Variants in OTUD4 observed in about 807,000 individuals in gnomAD.
The protein encoded by OTUD4 is OTU deubiquitinase 4.
In OTUD4, 24 loss-of-function variants were observed where a neutral mutation model predicts 130.4. The ratio of observed to expected loss-of-function variants is 0.18; its 90% CI spans 0.13 to 0.26. OTUD4 has a LOEUF of 0.26. Among genes scored for constraint, OTUD4 ranks in the 10% least tolerant of loss-of-function variants. The pLI is 1.00. For missense variants in OTUD4, 1,031 were observed against 1,329.4 expected, an observed-to-expected ratio of 0.78 and a Z score of 3.49; for synonymous variants, 420 against 472.5, an observed-to-expected ratio of 0.89 and a Z score of 1.44.
intron 3 of OTUD4, among the ~76,000 whole-genome samples, chr4:145,168,139 T>C (rs1751970206): frequency 6.6e-6 from 1 of 152,136 alleles, no homozygotes; most frequent in South Asian, 2.1e-4. Context: ...TCCTTCAAAA[T>C]ATGTTTTAAC....
Position 145,138,228 on chromosome 4 carries a change from G to A in OTUD4, c.2547C>T (p.Gly849=), listed in dbSNP as rs781374340. ...AGAAAGGAGGTGCAATAGGAACTGG[G>A]CCTAAGAATGGATTGGGTCCAAAAG... ...QPSFGPNPFL[G]PVPIAPPFFP... Residue 849 remains glycine (G), a synonymous_variant, in exon 21 of 21, where the codon GGC becomes GGT. Coordinates refer to ENST00000447906, the MANE Select transcript of OTUD4 (RefSeq NM_001366057.1). 105 of 1,613,788 alleles carry A rather than the reference G, an allele frequency of 6.5e-5. No homozygotes were observed. Among genetic ancestry groups the A allele is most frequent in the Non-Finnish European group, 7.3e-5 (86 of 1,179,812 alleles).
At chr4:145,170,397 T>C (rs983526926) in intron 3 of OTUD4, among the ~76,000 whole-genome samples, 16 of 152,224 alleles carry the variant, frequency 1.1e-4, no homozygotes, top group African/African-American at 3.6e-4. Context: ...TCTGCTTTGC[T>C]CACAGTTTTC....
rs1254712706 is a variant in OTUD4 at position 145,135,951 on chromosome 4, G to T, written c.*1479C>A. The T allele has an allele frequency of 2.6e-5, 4 of 152,584 alleles. No homozygotes were observed. The highest frequency in any genetic ancestry group is 5.9e-5 in the Non-Finnish European group (4 of 68,016). The allele number at this position is 152,584 out of a possible 1,614,324, so 9.5% of individuals were successfully genotyped here. A position where few individuals can be genotyped will look rare whatever the true frequency, so the allele number is the denominator to read the frequency against. ...TCAGTTTGTCAAATTCAAGTGAATT[G>T]TATTTTCTTAAGTAATTTGCTTTAC... On this transcript the variant is annotated 3_prime_UTR_variant, in exon 21 of 21. Transcript: ENST00000447906.
Position 145,138,068 on chromosome 4 carries a change from A to C in OTUD4, c.2707T>G (p.Cys903Gly), listed in dbSNP as rs151290056. The C allele has an allele frequency of 1.9e-5, 30 of 1,614,042 alleles. 1 individual carries two copies. The highest frequency in any genetic ancestry group is 2.5e-5 in the Non-Finnish European group (30 of 1,180,034). The change falls in exon 21 of 21, where the codon TGT (cysteine) becomes GGT (glycine). Residue 903 changes from cysteine to glycine, a missense_variant. Transcript: ENST00000447906. ...SLENLDLSKD[C>G]GSVSTVDEFP... ...TCATCTACTGTTGAAACTGAACCAC[A>C]ATCTTTAGACAGATCCAGATTTTCC...
chr4:145,148,456 G>A (rs898491150), intron 13 of OTUD4, among the ~76,000 whole-genome samples: 3 of 150,558 alleles, frequency 2.0e-5, no homozygotes, highest in African/African-American at 7.3e-5. Flanking sequence ...CCAAGATCGC[G>A]CCACTGCACT....
At chr4:145,169,754 G>A (rs1228387422) in intron 3 of OTUD4, among the ~76,000 whole-genome samples, 1 of 152,140 alleles carries the variant, frequency 6.6e-6, no homozygotes, top group Non-Finnish European at 1.5e-5. Flanking sequence ...TTACAGGCAC[G>A]AGCCATTGTG....
intron 7 of OTUD4, among the ~76,000 whole-genome samples, chr4:145,158,398 C>T (rs1213389316): frequency 6.6e-6 from 1 of 151,782 alleles, no homozygotes; most frequent in African/African-American, 2.4e-5. Flanking sequence ...AGGAGAATGG[C>T]GTGAACCCAG....
At chr4:145,178,905 C>G (rs1415105913) in intron 1 of OTUD4, among the ~76,000 whole-genome samples, 1 of 151,966 alleles carries the variant, frequency 6.6e-6, no homozygotes, top group Non-Finnish European at 1.5e-5. Flanking sequence ...GTGTGGGGAG[C>G]AGGTCCTAGG....
At chr4:145,144,086 G>A (rs1048650777) in intron 15 of OTUD4, 85 bp from the exon 16 acceptor site, 41 of 1,192,370 alleles carry the variant, frequency 3.4e-5, no homozygotes, top group Non-Finnish European at 4.8e-5. Flanking sequence ...GATAGAAGAA[G>A]CCAAAAGTAT....
chr4:145,171,765 CA>C, intron 2 of OTUD4, 45 bp from the exon 3 acceptor site: 2 of 871,164 alleles, frequency 2.3e-6, no homozygotes, highest in South Asian at 2.7e-5. Flanking sequence ...ACATATATGC[CA>C]AAACAGTTAA....
At position 145,137,193 on chromosome 4, in the gene OTUD4, G is replaced by T; in HGVS notation, c.*237C>A. The T allele has an allele frequency of 2.5e-6, 1 of 404,148 alleles. No individual in the cohort carries two copies. Among genetic ancestry groups the T allele is most frequent in the Non-Finnish European group, 4.4e-6 (1 of 227,776 alleles). The allele number at this position is 404,148 out of a possible 1,614,324, so 25.0% of individuals were successfully genotyped here. On this transcript the variant is annotated 3_prime_UTR_variant, in exon 21 of 21. Transcript: ENST00000447906. ...CAAACTTATCTTCTACTTTTTACGG[G>T]GACAGTCACTTGATCAACAAACAGA...
chr4:145,159,604 T>A lies in OTUD4; in HGVS notation c.528A>T (p.Val176=), dbSNP rs140130129. 1.2e-5 allele frequency: 20 copies of A among 1,613,370 alleles called. No individual in the cohort carries two copies. Among genetic ancestry groups the A allele is most frequent in the Non-Finnish European group, 1.7e-5 (20 of 1,179,544 alleles). Reference sequence around the variant, plus strand: ...CAATTTTACTAACATCAGTTTTAAATACCTTCTCATACAGCAATTCATAAA... The same window carrying A: ...CAATTTTACTAACATCAGTTTTAAAAACCTTCTCATACAGCAATTCATAAA... ...SLLYELLYEK[V]FKTDVSKIVM... is the part of the protein sequence containing the mutation. Residue 176 remains valine, a synonymous_variant, in exon 7 of 21, where the codon GTA becomes GTT. Coordinates refer to ENST00000447906, the MANE Select transcript of OTUD4 (RefSeq NM_001366057.1).
At chr4:145,145,952 T>C (rs528521008) in intron 14 of OTUD4, 1 of 166,676 alleles carries the variant, frequency 6.0e-6, no homozygotes, top group Non-Finnish European at 1.3e-5. Flanking sequence ...AACTAAATCA[T>C]GAACCTCTAC....
intron 10 of OTUD4, among the ~76,000 whole-genome samples, chr4:145,154,855 G>A (rs1467288829): frequency 6.6e-6 from 1 of 151,894 alleles, no homozygotes; most frequent in East Asian, 1.9e-4. Context: ...GGGGGCGGGG[G>A]GCAGAGTGAG....
Position 145,146,320 on chromosome 4 carries a change from G to A in OTUD4, c.1369C>T (p.Arg457Cys), listed in dbSNP as rs1251800770. The change falls in exon 14 of 21, where the codon CGT becomes TGT. Residue 457 changes from arginine to cysteine, a missense_variant. By Grantham distance (180) the Arg-to-Cys change is radical. Around this residue, in one of 3 missense-constraint regions of OTUD4, gnomAD observed 900 missense variants for 1,095.9 expected, o/e 0.82. Transcript: ENST00000447906. The part of the protein sequence containing the change: ...RREKQAIEES[R>C]LLYEIQNRDE... The stretch of plus-strand genomic sequence containing the variant: ...CTGTTCTGAATCTCATAGAGTAAAC[G>A]GGATTCTTCTATAGCTTGCTTCTCT... 8 of 1,593,356 alleles carry A rather than the reference G, an allele frequency of 5.0e-6. No individual in the cohort carries two copies. The highest frequency in any genetic ancestry group is 2.3e-5 in the East Asian group (1 of 43,380).
chr4:145,171,991 C>G (rs1417610917), intron 2 of OTUD4, among the ~76,000 whole-genome samples: 3 of 152,196 alleles, frequency 2.0e-5, no homozygotes, highest in Non-Finnish European at 4.4e-5. Context: ...TGGACAGGAT[C>G]TGGATGGCAA....
intron 19 of OTUD4, 27 bp downstream of exon 19, chr4:145,141,352 C>CCA (rs780552151): frequency 6.5e-7 from 1 of 1,547,860 alleles, no homozygotes; most frequent in Admixed American, 2.0e-5. Context: ...TTGATAAAGT[C>CCA]GATTTGAACT....
rs1751256305 is a variant in OTUD4, at chr4:145,155,826, G to T, written c.690+110C>A. 7.0e-6 allele frequency: 7 copies of T among 1,001,074 alleles called. No individual in the cohort carries two copies. The South Asian group carries it at 8.2e-5, about 12-fold the overall frequency. 62.0% of individuals were successfully genotyped at this position (1,001,074 alleles called of 1,614,324 possible). A position where few individuals can be genotyped will look rare whatever the true frequency, so the allele number is the denominator to read the frequency against. On this transcript the variant is annotated intron_variant, in intron 8 of 20. Coordinates refer to ENST00000447906, the MANE Select transcript of OTUD4 (RefSeq NM_001366057.1). ...CCACCAAATCAATTTCTGAGTAGATGATCCTGACTTGACTGAAATGTACCA... is the reference window on the plus strand; with the variant it reads ...CCACCAAATCAATTTCTGAGTAGATTATCCTGACTTGACTGAAATGTACCA...
At chr4:145,152,331 T>G (rs1219092090) in intron 11 of OTUD4, among the ~76,000 whole-genome samples, 3 of 152,156 alleles carry the variant, frequency 2.0e-5, no homozygotes, top group African/African-American at 7.2e-5. Context: ...CAGGATGATC[T>G]TGATCTCCTG....
Sources: gnomAD v4.1 joint callset for allele counts (sites outside exome capture counted in the v4.1 genomes callset) on GRCh38, gnomAD v4.1.1 for gene constraint, gnomAD v4.1.1 regional missense constraint, MANE v1.5 for transcripts, NCBI Gene and HGNC (gene_info 2026-07-23, HGNC 2026-07-21) for gene names.